The following IQCH variants were observed in gnomAD, a reference collection of about 807,000 sequenced individuals.
IQCH encodes IQ domain-containing protein H.
In IQCH, 98 loss-of-function variants were observed where a neutral mutation model predicts 117.0. The observed-to-expected ratio is 0.84, with a 90% CI of 0.71 to 0.99. The LOEUF is 0.99. Among genes scored for constraint, IQCH ranks in the 50% least tolerant of loss-of-function variants. IQCH has a pLI of 0.00. For synonymous variants in IQCH, 412 were observed against 448.2 expected (o/e 0.92, Z 1.02); for missense variants, 1,102 against 1,243.8 (o/e 0.89, Z 1.72).
chr15:67,323,442 CCGTGTTAG>C (rs1968242928), intron 4 of IQCH, among the ~76,000 whole-genome samples: 1 of 151,878 alleles, frequency 6.6e-6, no homozygotes, highest in Non-Finnish European at 1.5e-5. Flanking sequence ...CGGGGTTTCA[CCGTGTTAG>C]CCAGGATGGT....
At chr15:67,257,744 G>T (rs961180067) in intron 1 of IQCH, among the ~76,000 whole-genome samples, 7 of 152,098 alleles carry the variant, frequency 4.6e-5, no homozygotes, top group Admixed American at 4.6e-4. Flanking sequence ...TTAAATGTTT[G>T]TGTAACAAAT....
rs771412818 is a variant in IQCH at position 67,467,530 on chromosome 15, T to C, written c.2676+2233T>C. On this transcript the variant is annotated intron_variant, in intron 17 of 20. Transcript: ENST00000335894. The surrounding 1 kb of genome is among the most constrained non-coding windows in gnomAD (Gnocchi z 5.7). ...GAGAAAAGCTATGCAGGTTTTCTGG[T>C]GTAGGAATAAATTGAAAGGGCTTTT... Among the ~76,000 whole-genome samples the C allele has an allele frequency of 3.9e-5, 6 of 152,220 alleles. No individual in the cohort carries two copies. The highest frequency in any genetic ancestry group is 7.3e-5 in the Non-Finnish European group (5 of 68,040).
rs2081986848 is a variant in IQCH, at chr15:67,430,013, A to G, written c.2505+8436A>G. On this transcript the variant is annotated intron_variant, in intron 16 of 20. Coordinates refer to ENST00000335894, the MANE Select transcript of IQCH (RefSeq NM_001031715.3). The surrounding 1 kb of genome is among the most constrained non-coding windows in gnomAD (Gnocchi z 5.1). ...AGGGGCTGGTCCCTGGGAAATGGAGATGGTGGAGCATGGTCTAAGATTACT... is the reference window on the plus strand; with the variant it reads ...AGGGGCTGGTCCCTGGGAAATGGAGGTGGTGGAGCATGGTCTAAGATTACT... Among the ~76,000 whole-genome samples, 1 of 152,070 alleles carries G rather than the reference A, an allele frequency of 6.6e-6. No homozygotes were observed.
intron 13 of IQCH, among the ~76,000 whole-genome samples, chr15:67,397,967 C>G (rs910419308): frequency 6.6e-5 from 10 of 152,214 alleles, no homozygotes; most frequent in African/African-American, 2.2e-4. Flanking sequence ...AATGGAGATG[C>G]TATTTTAAAG....
chr15:67,409,627 A>G lies in IQCH; in HGVS notation c.2098-7304A>G, dbSNP rs544774902. Among the ~76,000 whole-genome samples, 9 of 152,326 alleles carry G rather than the reference A, an allele frequency of 5.9e-5. 1 individual carries two copies. Among genetic ancestry groups the G allele is most frequent in the African/African-American group, 2.2e-4 (9 of 41,576 alleles). On this transcript the variant is annotated intron_variant, in intron 14 of 20. Transcript: ENST00000335894. ...TAATGCTACATAAGTATGGAATTAT[A>G]TACCGCATTTTCACCATTCTGTTTA... is the stretch of plus-strand genomic sequence containing the variant.
intron 3 of IQCH, among the ~76,000 whole-genome samples, chr15:67,268,300 A>T (rs2140447168): frequency 6.6e-6 from 1 of 152,370 alleles, no homozygotes; most frequent in Non-Finnish European, 1.5e-5. Flanking sequence ...TAAAACAACG[A>T]TAAGGACGTT....
At chr15:67,285,243 G>T (rs944196968) in intron 4 of IQCH, among the ~76,000 whole-genome samples, 2 of 151,766 alleles carry the variant, frequency 1.3e-5, no homozygotes, top group Non-Finnish European at 2.9e-5. Context: ...ATCATTGGCC[G>T]CATGTATGTC....
In IQCH at chr15:67,467,656, T is replaced by A. The variant is rs1401519743; in HGVS notation, c.2676+2359T>A. 2.6e-5 allele frequency among the ~76,000 whole-genome samples: 4 copies of A among 152,308 alleles called. No individual in the cohort carries two copies. The highest frequency in any genetic ancestry group is 1.9e-4 in the East Asian group (1 of 5,174). ...GTACACATATGATCAGCGATTTTTT[T>A]AAAAAGAAGCATGTGCACATGCACA... On this transcript the variant is annotated intron_variant, in intron 17 of 20. Coordinates refer to ENST00000335894, the MANE Select transcript of IQCH (RefSeq NM_001031715.3). This position sits in a 1 kb window ranked among gnomAD's most constrained non-coding sequence, Gnocchi z 5.7.
Position 67,479,414 on chromosome 15 carries a change from C to T in IQCH, c.2799+3596C>T, listed in dbSNP as rs542740029. Among the ~76,000 whole-genome samples, 109 of 152,208 alleles carry T rather than the reference C, an allele frequency of 7.2e-4. 1 individual carries two copies. In the South Asian group the frequency reaches 0.023, roughly 32 times the overall value. On this transcript the variant is annotated intron_variant, in intron 18 of 20. Transcript: ENST00000335894. The surrounding 1 kb of genome is among the most constrained non-coding windows in gnomAD (Gnocchi z 4.6). The stretch of plus-strand genomic sequence containing the variant: ...GGTGTCCCCTATATAAGCCCTTTTC[C>T]CCCTAAGGACTGTTTCCCACCAACT...
In IQCH at chr15:67,388,503, T is replaced by G. The variant is rs1971178870; in HGVS notation, c.1457-328T>G. Among the ~76,000 whole-genome samples the G allele has an allele frequency of 6.6e-6, 1 of 152,246 alleles. No individual in the cohort carries two copies. Among genetic ancestry groups the G allele is most frequent in the Non-Finnish European group, 1.5e-5 (1 of 68,042 alleles). On this transcript the variant is annotated intron_variant, in intron 11 of 20. Coordinates refer to ENST00000335894, the MANE Select transcript of IQCH (RefSeq NM_001031715.3). The surrounding 1 kb of genome is among the most constrained non-coding windows in gnomAD (Gnocchi z 5.5). ...ATAAATTTTTAAAGCAGTATGTGAT[T>G]CCCATTGATGTTAATGGGAGTTGTG...
intron 12 of IQCH, among the ~76,000 whole-genome samples, chr15:67,389,493 T>C (rs1351573425): frequency 2.0e-5 from 3 of 152,116 alleles, no homozygotes; most frequent in East Asian, 1.9e-4. Flanking sequence ...TTTTTTTTAA[T>C]TGGGCTGATT....
rs2083126134 is a variant in IQCH at position 67,473,620 on chromosome 15, A to C, written c.2677-2076A>C. Among the ~76,000 whole-genome samples, 1 of 152,212 alleles carries C rather than the reference A, an allele frequency of 6.6e-6. No individual in the cohort carries two copies. The highest frequency in any genetic ancestry group is 1.5e-5 in the Non-Finnish European group (1 of 68,038). ...TCCACCTAATCTATTTCATGTATTC[A>C]TTCTCTTTTATTTAATAAACACCAA... On this transcript the variant is annotated intron_variant, in intron 17 of 20. Coordinates refer to ENST00000335894, the MANE Select transcript of IQCH (RefSeq NM_001031715.3). This position sits in a 1 kb window ranked among gnomAD's most constrained non-coding sequence, Gnocchi z 4.9.
chr15:67,318,828 T>C (rs1054467400), intron 4 of IQCH, among the ~76,000 whole-genome samples: 1 of 152,198 alleles, frequency 6.6e-6, no homozygotes, highest in African/African-American at 2.4e-5. Flanking sequence ...GTCACTTGGC[T>C]AATGATTTAG....
At position 67,490,683 on chromosome 15, in the gene IQCH, AAGGC is replaced by A. The variant is rs1212675481; in HGVS notation, c.2861+622_2861+625del. Among the ~76,000 whole-genome samples the A allele has an allele frequency of 2.0e-5, 3 of 152,158 alleles. No individual in the cohort carries two copies. Among genetic ancestry groups the A allele is most frequent in the African/African-American group, 7.2e-5 (3 of 41,440 alleles). On this transcript the variant is annotated intron_variant, in intron 19 of 20. Transcript: ENST00000335894. The surrounding 1 kb of genome is among the most constrained non-coding windows in gnomAD (Gnocchi z 4.9). The stretch of plus-strand genomic sequence containing the variant: ...CCCAGCTCAGTTGTCCTGCCTGTGG[AAGGC>A]AGTTGTCATTCTGGCATACTTAGAA...
intron 18 of IQCH, among the ~76,000 whole-genome samples, chr15:67,487,333 A>C (rs2083512768): frequency 6.6e-6 from 1 of 152,078 alleles, no homozygotes; most frequent in African/African-American, 2.4e-5. Flanking sequence ...ACTCTGTCTC[A>C]AAAACAACAA....
intron 18 of IQCH, among the ~76,000 whole-genome samples, chr15:67,486,038 C>CTTTTTTT (rs55963427): frequency 3.8e-5 from 4 of 106,304 alleles, no homozygotes; most frequent in East Asian, 2.8e-4. Flanking sequence ...GCTAAGTTTT[C>CTTTTTTT]TTTTTTTTTT....
In IQCH at chr15:67,472,946, T is replaced by C. The variant is rs2083107561; in HGVS notation, c.2677-2750T>C. On this transcript the variant is annotated intron_variant, in intron 17 of 20. Coordinates refer to ENST00000335894, the MANE Select transcript of IQCH (RefSeq NM_001031715.3). This position sits in a 1 kb window ranked among gnomAD's most constrained non-coding sequence, Gnocchi z 4.3. ...CCTCAGGGTAGCCTGCCCTTACATG[T>C]TGTCTAGTAATCATGTACTACTGGA... Among the ~76,000 whole-genome samples the C allele has an allele frequency of 1.3e-5, 2 of 152,162 alleles. No homozygotes were observed. Among genetic ancestry groups the C allele is most frequent in the Admixed American group, 1.3e-4 (2 of 15,280 alleles).
intron 3 of IQCH, among the ~76,000 whole-genome samples, chr15:67,272,364 C>T (rs926623052): frequency 8.5e-5 from 13 of 152,234 alleles, no homozygotes; most frequent in African/African-American, 1.9e-4. Flanking sequence ...TTCTGGAGAA[C>T]GTTCCATGTG....
Position 67,385,992 on chromosome 15 carries a change from C to T in IQCH, c.1456+973C>T, listed in dbSNP as rs866576583. The stretch of plus-strand genomic sequence containing the variant: ...AAATGCTATTTGGTATCAAAAAATA[C>T]ATCAGTACTAGAAATTTACAGTGTC... On this transcript the variant is annotated intron_variant, in intron 11 of 20. Transcript: ENST00000335894. This position sits in a 1 kb window ranked among gnomAD's most constrained non-coding sequence, Gnocchi z 4.6. 2.6e-5 allele frequency among the ~76,000 whole-genome samples: 4 copies of T among 152,220 alleles called. No homozygotes were observed. The South Asian group carries it at 8.3e-4, about 32-fold the overall frequency.
Sources: allele counts gnomAD v4.1 joint callset (sites outside exome capture counted in the v4.1 genomes callset), GRCh38; gene constraint gnomAD v4.1.1; non-coding constraint Gnocchi (gnomAD v3.1); transcripts MANE v1.5; gene names NCBI Gene and HGNC (gene_info 2026-07-23, HGNC 2026-07-21).